Variants in NEDD1 observed in about 807,000 individuals in gnomAD.
NEDD1 encodes NEDD1 gamma-tubulin ring complex targeting factor.
Under a neutral mutation model 74.0 loss-of-function variants are expected in NEDD1, and 33 were observed. The observed-to-expected ratio is 0.45, with a 90% CI of 0.34 to 0.60. NEDD1 has a LOEUF of 0.60. NEDD1 is among the 20% of genes least tolerant of loss of function. The probability of loss-of-function intolerance (pLI) is 0.01; values close to 1 mark genes in which losing one functional copy is unlikely to be tolerated. For missense variants in NEDD1, 746 were observed against 776.5 expected (o/e 0.96, Z 0.47); for synonymous variants, 250 against 264.4 (o/e 0.95, Z 0.53).
intron 6 of NEDD1, among the ~76,000 whole-genome samples, chr12:96,926,988 TTG>T (rs58398494): frequency 0.83 from 123,152 of 147,870 alleles, 51,352 homozygotes; most frequent in Middle Eastern, 0.88. Context: ...AAAAAAAAAA[TTG>T]TGTGTGTGTG....
chr12:96,942,685 T>A (rs1877785811), intron 11 of NEDD1, 61 bp downstream of exon 11: 1 of 822,668 alleles, frequency 1.2e-6, no homozygotes, highest in Admixed American at 2.1e-5. Context: ...ATCTATGCTG[T>A]GTAACAAATC....
At chr12:96,920,631 CTT>C (rs1439453721) in intron 6 of NEDD1, among the ~76,000 whole-genome samples, 2 of 152,210 alleles carry the variant, frequency 1.3e-5, no homozygotes, top group Admixed American at 1.3e-4. Context: ...TTTTGGGAAA[CTT>C]TTTAAAAGGA....
intron 15 of NEDD1, 85 bp from the exon 16 acceptor site, chr12:96,951,864 A>T (rs1381879642): frequency 2.4e-5 from 17 of 719,306 alleles, no homozygotes; most frequent in Non-Finnish European, 4.1e-5. Context: ...CATGAGAGAA[A>T]TGATAGCTGA....
intron 13 of NEDD1, among the ~76,000 whole-genome samples, chr12:96,945,441 A>C (rs780902921): frequency 6.6e-6 from 1 of 152,122 alleles, no homozygotes; most frequent in Non-Finnish European, 1.5e-5. Flanking sequence ...AGATTCTTCA[A>C]GATTAATCCC....
intron 1 of NEDD1, 107 bp from the exon 2 acceptor site, chr12:96,907,497 C>T (rs1184571732): frequency 5.4e-6 from 5 of 927,798 alleles, no homozygotes; most frequent in Non-Finnish European, 6.8e-6. Flanking sequence ...GGGCCGGGGT[C>T]GCGCACCTCC....
chr12:96,932,847 TTG>T (rs1723840667), intron 6 of NEDD1, among the ~76,000 whole-genome samples: 1 of 151,846 alleles, frequency 6.6e-6, no homozygotes, highest in African/African-American at 2.4e-5. Flanking sequence ...CTCAAAATAA[TTG>T]TGTCAGGAAA....
At chr12:96,931,219 GATGTGAATGT>G (rs1190959698) in intron 6 of NEDD1, among the ~76,000 whole-genome samples, 6 of 152,182 alleles carry the variant, frequency 3.9e-5, no homozygotes, top group African/African-American at 1.2e-4. Context: ...GTAAGAAAAT[GATGTGAATGT>G]ATGTTCTTAT....
chr12:96,910,296 G>A (rs1311842710), intron 3 of NEDD1, among the ~76,000 whole-genome samples: 1 of 152,194 alleles, frequency 6.6e-6, no homozygotes, highest in Non-Finnish European at 1.5e-5. Context: ...GATCTGAACT[G>A]AAAATTAAAG....
intron 12 of NEDD1, among the ~76,000 whole-genome samples, chr12:96,944,392 T>G (rs554564588): frequency 2.1e-3 from 323 of 152,144 alleles, no homozygotes; most frequent in South Asian, 0.017. Context: ...TAAATGATAC[T>G]TAACAGCAGG....
At chr12:96,920,654 A>G (rs1258651320) in intron 6 of NEDD1, among the ~76,000 whole-genome samples, 3 of 152,248 alleles carry the variant, frequency 2.0e-5, no homozygotes, top group East Asian at 1.9e-4. Context: ...AAATAAGTCA[A>G]TTTTTTTCCT....
At chr12:96,938,835 T>TCA (rs201827829) in intron 9 of NEDD1, among the ~76,000 whole-genome samples, 5,288 of 50,296 alleles carry the variant, frequency 0.11, 116 homozygotes, top group Non-Finnish European at 0.16. Context: ...TCTCTCTCTC[T>TCA]CACACACACA....
intron 6 of NEDD1, among the ~76,000 whole-genome samples, chr12:96,920,497 T>C (rs918076272): frequency 6.6e-6 from 1 of 152,170 alleles, no homozygotes; most frequent in Non-Finnish European, 1.5e-5. Context: ...TCATAAATAC[T>C]GTTTTGTGGA....
intron 6 of NEDD1, among the ~76,000 whole-genome samples, chr12:96,920,544 T>C (rs1191865370): frequency 6.6e-6 from 1 of 152,126 alleles, no homozygotes; most frequent in African/African-American, 2.4e-5. Flanking sequence ...AGAGAGTAAT[T>C]TAAGTTTTGC....
chr12:96,912,141 C>T (rs924654070), intron 3 of NEDD1, among the ~76,000 whole-genome samples: 4 of 152,018 alleles, frequency 2.6e-5, no homozygotes, highest in Non-Finnish European at 5.9e-5. Flanking sequence ...ACTCATAACA[C>T]AATTCCTATT....
At chr12:96,918,920 G>A (rs1874761385) in intron 5 of NEDD1, among the ~76,000 whole-genome samples, 1 of 152,088 alleles carries the variant, frequency 6.6e-6, no homozygotes, top group Admixed American at 6.6e-5. Context: ...CTTGGTTTTG[G>A]GAAAGGAATA....
intron 6 of NEDD1, among the ~76,000 whole-genome samples, chr12:96,932,463 A>AAAAAAAAAAATATATATATATATATATAT: frequency 1.1e-4 from 1 of 9,436 alleles, no homozygotes; most frequent in Non-Finnish European, 2.0e-4. Flanking sequence ...AAAAAAAAAA[A>AAAAAAAAAAATATATATATATATATATAT]ATATATATAT....
intron 5 of NEDD1, among the ~76,000 whole-genome samples, chr12:96,918,100 A>G (rs1351091072): frequency 6.6e-6 from 1 of 151,786 alleles, no homozygotes; most frequent in Non-Finnish European, 1.5e-5. Flanking sequence ...TGATGATAGT[A>G]TTCAATACAG....
rs950390547 is a variant in NEDD1, at chr12:96,937,387, A to G, written c.1111A>G (p.Lys371Glu). ...GAAAGGAACAGTTGCTGTTCAAGAA[A>G]AAGCAGGTAAATGTTGCTTATATAT... is the stretch of plus-strand genomic sequence containing the variant. The part of the protein sequence containing the change: ...MGKGTVAVQE[K>E]AGLPRSINTD... The change falls in exon 9 of 16, where the codon AAA becomes GAA. Residue 371 changes from lysine to glutamate, a missense_variant. This residue lies in a region of NEDD1 where 706 missense variants were observed against 706.7 expected (regional missense o/e 1.00). Transcript: ENST00000266742. 1 of 1,576,320 alleles carries G rather than the reference A, an allele frequency of 6.3e-7. No individual in the cohort carries two copies.
At chr12:96,946,108 T>C (rs1878171865) in intron 14 of NEDD1, among the ~76,000 whole-genome samples, 1 of 152,122 alleles carries the variant, frequency 6.6e-6, no homozygotes, top group Non-Finnish European at 1.5e-5. Context: ...ATTGTGAACT[T>C]TTTTTATTAT....
Sources: allele counts gnomAD v4.1 joint callset (sites outside exome capture counted in the v4.1 genomes callset), GRCh38; gene constraint gnomAD v4.1.1; regional missense constraint gnomAD v4.1.1; transcripts MANE v1.5; gene names NCBI Gene and HGNC (gene_info 2026-07-23, HGNC 2026-07-21).